Variants in ARHGEF12 observed in about 807,000 individuals in gnomAD.
ARHGEF12 encodes the protein Rho guanine nucleotide exchange factor 12.
Under a neutral mutation model 211.2 loss-of-function variants are expected in ARHGEF12, and 66 were observed. That is an observed-to-expected ratio of 0.31 (90% CI 0.26 to 0.38). ARHGEF12 has a LOEUF of 0.38. Among genes scored for constraint, ARHGEF12 ranks in the 10% least tolerant of loss-of-function variants. ARHGEF12 has a pLI of 1.00. For synonymous variants in ARHGEF12, 592 were observed against 638.4 expected (o/e 0.93, Z 1.09); for missense variants, 1,429 against 1,869.5 (o/e 0.76, Z 4.34).
At chr11:120,445,576 C>A in intron 16 of ARHGEF12, 112 bp downstream of exon 16, 1 of 1,063,256 alleles carries the variant, frequency 9.4e-7, no homozygotes, top group Non-Finnish European at 1.5e-6. Flanking sequence ...ACCTGAATCA[C>A]AACAGAAAGA....
At chr11:120,414,355 A>G (rs1944967151) in intron 4 of ARHGEF12, among the ~76,000 whole-genome samples, 1 of 152,210 alleles carries the variant, frequency 6.6e-6, no homozygotes, top group African/African-American at 2.4e-5. Context: ...TAGCGTTCTT[A>G]TAGAAATGTT....
rs370044209 is a variant in ARHGEF12 at position 120,355,219 on chromosome 11, T to C, written c.32+17944T>C. ...ATGCTTGTTTTCCCATATTTATTTT[T>C]TTAAACGAGAAGGTTATTACACAAG... On this transcript the variant is annotated intron_variant, in intron 1 of 40. Transcript: ENST00000397843. Among the ~76,000 whole-genome samples, 110 of 152,370 alleles carry C rather than the reference T, an allele frequency of 7.2e-4. No homozygotes were observed. The Middle Eastern group carries it at 0.017, about 24-fold the overall frequency.
intron 4 of ARHGEF12, among the ~76,000 whole-genome samples, chr11:120,414,976 A>G (rs1487259258): frequency 1.3e-5 from 2 of 152,222 alleles, no homozygotes; most frequent in East Asian, 3.8e-4. Flanking sequence ...GTGTCTATGC[A>G]AAGTGCTGGC....
intron 4 of ARHGEF12, among the ~76,000 whole-genome samples, chr11:120,420,228 T>C (rs372362487): frequency 9.2e-5 from 14 of 152,342 alleles, no homozygotes; most frequent in Middle Eastern, 3.4e-3. Flanking sequence ...GGGAATAACT[T>C]CAGGTACTCT....
At chr11:120,337,408 A>G in intron 1 of ARHGEF12, 133 bp downstream of exon 1, 1 of 1,517,738 alleles carries the variant, frequency 6.6e-7, no homozygotes, top group Non-Finnish European at 8.9e-7. Flanking sequence ...GGAGCTGTGC[A>G]GTTAGCCTGG....
rs1172888239 is a variant in ARHGEF12, at chr11:120,429,517, G to T, written c.663G>T (p.Gln221His). ...KMLQKEQERL[Q>H]LLQEDYNRTP... ...TACAGAAAGAACAGGAACGGCTACA[G>T]GTATTAAATGAGAAGTAGGGCTGTT... The change falls in exon 9 of 41, where the codon CAG becomes CAT. Residue 221 changes from glutamine to histidine, a missense_variant and splice_region_variant. Gln to His is a conservative substitution (Grantham distance 24). This residue lies in a region of ARHGEF12 where 254 missense variants were observed against 286.4 expected (regional missense o/e 0.89). Coordinates refer to ENST00000397843, the MANE Select transcript of ARHGEF12 (RefSeq NM_015313.3). 1 of 1,613,422 alleles carries T rather than the reference G, an allele frequency of 6.2e-7. No individual in the cohort carries two copies. The highest frequency in any genetic ancestry group is 8.5e-7 in the Non-Finnish European group (1 of 1,179,774).
At chr11:120,384,701 C>A (rs1434034476) in intron 1 of ARHGEF12, among the ~76,000 whole-genome samples, 1 of 152,120 alleles carries the variant, frequency 6.6e-6, no homozygotes, top group South Asian at 2.1e-4. Flanking sequence ...TAATCAAACA[C>A]AAACAGACAG....
chr11:120,404,963 A>C (rs973493449), intron 1 of ARHGEF12, among the ~76,000 whole-genome samples: 2 of 151,446 alleles, frequency 1.3e-5, no homozygotes, highest in Admixed American at 1.3e-4. Context: ...TTGTCCCAGA[A>C]CCCCCTTTAC....
chr11:120,463,828 T>C (rs1422400530), intron 27 of ARHGEF12: 1 of 152,190 alleles, frequency 6.6e-6, no homozygotes, highest in Non-Finnish European at 1.5e-5. Flanking sequence ...TGCCTTTATG[T>C]ACAAACTTTT....
chr11:120,453,689 G>A (rs1019555928), intron 22 of ARHGEF12, among the ~76,000 whole-genome samples: 12 of 152,168 alleles, frequency 7.9e-5, no homozygotes, highest in African/African-American at 2.9e-4. Context: ...CGTTAATGCA[G>A]CCTGGATGAC....
At chr11:120,343,719 G>A in intron 1 of ARHGEF12, among the ~76,000 whole-genome samples, 1 of 152,174 alleles carries the variant, frequency 6.6e-6, no homozygotes, top group East Asian at 1.9e-4. Context: ...TGGACTGCAA[G>A]TAACAATTCA....
intron 1 of ARHGEF12, among the ~76,000 whole-genome samples, chr11:120,355,484 T>G (rs140515867): frequency 1.2e-3 from 177 of 152,332 alleles, no homozygotes; most frequent in African/African-American, 4.2e-3. Context: ...GAAAAAAACT[T>G]AGATTCAAAG....
rs937112964 is a variant in ARHGEF12, at chr11:120,385,284, G to C, written c.33-20834G>C. ...GTAGATGATTGGGGGTGGGAGAAGA[G>C]GTGGGGTTTCTTCTTATCATCCCTC... On this transcript the variant is annotated intron_variant, in intron 1 of 40. Coordinates refer to ENST00000397843, the MANE Select transcript of ARHGEF12 (RefSeq NM_015313.3). 5 of 985,082 alleles carry C rather than the reference G, an allele frequency of 5.1e-6. No individual in the cohort carries two copies. In the African/African-American group the frequency reaches 5.2e-5, roughly 10 times the overall value. The allele number at this position is 985,082 out of a possible 1,614,324, so 61.0% of individuals were successfully genotyped here.
At chr11:120,458,374 T>C (rs1946426857) in intron 25 of ARHGEF12, 140 bp downstream of exon 25, 1 of 890,548 alleles carries the variant, frequency 1.1e-6, no homozygotes, top group Non-Finnish European at 1.7e-6. Flanking sequence ...ACTGGACAGA[T>C]AATCCTTGAA....
At chr11:120,378,794 G>A (rs1054559196) in intron 1 of ARHGEF12, among the ~76,000 whole-genome samples, 8 of 152,142 alleles carry the variant, frequency 5.3e-5, no homozygotes, top group Non-Finnish European at 8.8e-5. Flanking sequence ...GTGCATAGTT[G>A]TATTTATGGT....
chr11:120,451,794 A>G, intron 22 of ARHGEF12, 70 bp downstream of exon 22: 1 of 1,399,458 alleles, frequency 7.1e-7, no homozygotes, highest in Non-Finnish European at 9.9e-7. Context: ...ACTGAAAAAT[A>G]GAGTGGCAAG....
intron 29 of ARHGEF12, among the ~76,000 whole-genome samples, chr11:120,467,888 A>T (rs1946755011): frequency 6.6e-6 from 1 of 152,216 alleles, no homozygotes; most frequent in Non-Finnish European, 1.5e-5. Flanking sequence ...ATTGGAGCAC[A>T]GCCGTGCTCG....
intron 1 of ARHGEF12, among the ~76,000 whole-genome samples, chr11:120,353,254 T>A (rs1047705146): frequency 2.0e-5 from 3 of 152,162 alleles, no homozygotes; most frequent in Non-Finnish European, 4.4e-5. Flanking sequence ...CATGCGAAAC[T>A]CAGAATCTTG....
chr11:120,425,906 T>C (rs1427883763), intron 7 of ARHGEF12, among the ~76,000 whole-genome samples: 1 of 152,312 alleles, frequency 6.6e-6, no homozygotes, highest in Non-Finnish European at 1.5e-5. Context: ...TTGTGATCAA[T>C]CAGAATCACT....
Sources: gnomAD v4.1 joint callset for allele counts (sites outside exome capture counted in the v4.1 genomes callset) on GRCh38, gnomAD v4.1.1 for gene constraint, gnomAD v4.1.1 regional missense constraint, MANE v1.5 for transcripts, NCBI Gene and HGNC (gene_info 2026-07-23, HGNC 2026-07-21) for gene names.